ADRA1D: variants seen among roughly 807,000 people sequenced by gnomAD.
ADRA1D encodes adrenoceptor alpha 1D, also known as alpha-1D adrenergic receptor.
In ADRA1D, 22 loss-of-function variants were observed where a neutral mutation model predicts 18.6. The ratio of observed to expected loss-of-function variants is 1.19; its 90% CI spans 0.85 to 1.69. The LOEUF is 1.69. ADRA1D is among the 40% of genes most tolerant of loss of function. The probability of loss-of-function intolerance (pLI) is 0.00; values close to 1 mark genes in which losing one functional copy is unlikely to be tolerated. For synonymous variants in ADRA1D, 376 were observed against 388.2 expected (o/e 0.97, Z 0.37); for missense variants, 840 against 840.7 (o/e 1.00, Z 0.01).
intron 1 of ADRA1D, among the ~76,000 whole-genome samples, chr20:4,246,172 G>T (rs1600853228): frequency 6.6e-6 from 1 of 152,146 alleles, no homozygotes; most frequent in East Asian, 1.9e-4. Context: ...CCACATACCA[G>T]GCCCATGCTG....
chr20:4,244,808 C>A (rs990351968), intron 1 of ADRA1D, among the ~76,000 whole-genome samples: 1 of 152,196 alleles, frequency 6.6e-6, no homozygotes. Flanking sequence ...TGGGGCAGAT[C>A]GGAATATTTT....
At chr20:4,242,453 C>T (rs760972390) in intron 1 of ADRA1D, among the ~76,000 whole-genome samples, 1 of 152,212 alleles carries the variant, frequency 6.6e-6, no homozygotes, top group Non-Finnish European at 1.5e-5. Flanking sequence ...CTTCATGATG[C>T]ATATCTGAAT....
Position 4,249,025 on chromosome 20 carries a change from G to T in ADRA1D, c.-68C>A. ...AGCGGCCGGCAGGGAGGGGAGCACA[G>T]GGCATAGCCGCGGGGCTCCAGATGC... is the stretch of plus-strand genomic sequence containing the variant. On this transcript the variant is annotated 5_prime_UTR_variant, in exon 1 of 2. In the 5' UTR this introduces an upstream ATG that the reference lacks. Transcript: ENST00000379453. The T allele has an allele frequency of 8.7e-7, 1 of 1,144,726 alleles. No individual in the cohort carries two copies. The highest frequency in any genetic ancestry group is 1.1e-6 in the Non-Finnish European group (1 of 915,060). The allele number at this position is 1,144,726 out of a possible 1,614,324, so 70.9% of individuals were successfully genotyped here. A position where few individuals can be genotyped will look rare whatever the true frequency, so the allele number is the denominator to read the frequency against.
At chr20:4,236,469 C>G (rs553052734) in intron 1 of ADRA1D, among the ~76,000 whole-genome samples, 2 of 152,230 alleles carry the variant, frequency 1.3e-5, no homozygotes, top group Non-Finnish European at 2.9e-5. Context: ...TGCTCAGGTT[C>G]CTGGCTTGGA....
At chr20:4,241,527 T>C (rs1340105506) in intron 1 of ADRA1D, among the ~76,000 whole-genome samples, 1 of 152,176 alleles carries the variant, frequency 6.6e-6, no homozygotes, top group Non-Finnish European at 1.5e-5. Context: ...GAATAGAACA[T>C]GGGTTCTACC....
intron 1 of ADRA1D, among the ~76,000 whole-genome samples, chr20:4,247,169 G>A (rs1283676802): frequency 2.0e-5 from 3 of 152,180 alleles, no homozygotes; most frequent in Non-Finnish European, 2.9e-5. Context: ...AAAGTTCCTC[G>A]GAAGAGCTCA....
In ADRA1D at chr20:4,247,735, G is replaced by A. The variant is rs1470343395; in HGVS notation, c.1111+112C>T. 4.8e-6 allele frequency: 6 copies of A among 1,261,522 alleles called. No individual in the cohort carries two copies. In the African/African-American group the frequency reaches 9.5e-5, roughly 20 times the overall value. The allele number at this position is 1,261,522 out of a possible 1,614,324, so 78.1% of individuals were successfully genotyped here. On this transcript the variant is annotated intron_variant, in intron 1 of 1. Coordinates refer to ENST00000379453, the MANE Select transcript of ADRA1D (RefSeq NM_000678.4). ...CTGCCTCTTAGGAGACTCAGGACTTGCTAAGTCAACCTTCTAGGTTCAGGT... is the reference window on the plus strand; with the variant it reads ...CTGCCTCTTAGGAGACTCAGGACTTACTAAGTCAACCTTCTAGGTTCAGGT...
intron 1 of ADRA1D, among the ~76,000 whole-genome samples, chr20:4,241,998 C>T (rs1156944599): frequency 6.6e-6 from 1 of 152,204 alleles, no homozygotes; most frequent in Non-Finnish European, 1.5e-5. Context: ...TCATCACTAC[C>T]CAGGTCAAGG....
At chr20:4,245,651 A>C (rs889996197) in intron 1 of ADRA1D, among the ~76,000 whole-genome samples, 9 of 152,268 alleles carry the variant, frequency 5.9e-5, no homozygotes, top group East Asian at 1.9e-4. Context: ...GGAAAAAAAA[A>C]CAGGGAGCTG....
At chr20:4,236,176 T>C (rs1981086811) in intron 1 of ADRA1D, among the ~76,000 whole-genome samples, 1 of 152,214 alleles carries the variant, frequency 6.6e-6, no homozygotes, top group Non-Finnish European at 1.5e-5. Context: ...TGGGTTCCAA[T>C]GTCGGCTCTG....
At chr20:4,229,941 CA>C (rs1339966937) in intron 1 of ADRA1D, among the ~76,000 whole-genome samples, 2 of 152,092 alleles carry the variant, frequency 1.3e-5, no homozygotes, top group Non-Finnish European at 2.9e-5. Flanking sequence ...CATGTCCCCC[CA>C]AATCTCTCCT....
intron 1 of ADRA1D, among the ~76,000 whole-genome samples, chr20:4,244,966 T>C (rs371255366): frequency 6.6e-6 from 1 of 151,854 alleles, no homozygotes; most frequent in East Asian, 1.9e-4. Flanking sequence ...GGAAGGAGGA[T>C]TTAGGGCCTC....
intron 1 of ADRA1D, among the ~76,000 whole-genome samples, chr20:4,242,500 CAG>C (rs1183599033): frequency 6.6e-6 from 1 of 152,212 alleles, no homozygotes; most frequent in African/African-American, 2.4e-5. Context: ...AAAGTACATG[CAG>C]AGTGTTTCAG....
chr20:4,238,539 G>A (rs984296316), intron 1 of ADRA1D, among the ~76,000 whole-genome samples: 1 of 152,154 alleles, frequency 6.6e-6, no homozygotes, highest in Non-Finnish European at 1.5e-5. Flanking sequence ...AAAGGAAAAA[G>A]GGTTGAGAGA....
chr20:4,227,768 T>TCTCTC (rs1490902545), intron 1 of ADRA1D, among the ~76,000 whole-genome samples: 38 of 141,100 alleles, frequency 2.7e-4, no homozygotes, highest in African/African-American at 9.8e-4. Flanking sequence ...TCTCTCTTTC[T>TCTCTC]TCTCTTTCTT....
chr20:4,246,566 G>A (rs906410499), intron 1 of ADRA1D, among the ~76,000 whole-genome samples: 8 of 151,750 alleles, frequency 5.3e-5, no homozygotes, highest in Admixed American at 1.3e-4. Flanking sequence ...ACGGCAGAGA[G>A]GGGGAGGGCA....
chr20:4,225,756 A>C (rs896254219), intron 1 of ADRA1D, among the ~76,000 whole-genome samples: 8 of 152,056 alleles, frequency 5.3e-5, no homozygotes, highest in African/African-American at 1.7e-4. Context: ...GTGGCTTTTG[A>C]GTGAAGAGAA....
At position 4,221,416 on chromosome 20, in the gene ADRA1D, A is replaced by G; in HGVS notation, c.*107T>C. 8.2e-7 allele frequency: 1 copy of G among 1,217,164 alleles called. No individual in the cohort carries two copies. The highest frequency in any genetic ancestry group is 1.5e-5 in the South Asian group (1 of 66,474). The allele number at this position is 1,217,164 out of a possible 1,614,324, so 75.4% of individuals were successfully genotyped here. ...ATGTCACAGAGCAGCTGCCCTGATC[A>G]GTTTCCGGGTCTCCGATTTGCACGG... is the stretch of plus-strand genomic sequence containing the variant. On this transcript the variant is annotated 3_prime_UTR_variant, in exon 2 of 2. Coordinates refer to ENST00000379453, the MANE Select transcript of ADRA1D (RefSeq NM_000678.4).
At chr20:4,238,897 C>T (rs1346988772) in intron 1 of ADRA1D, among the ~76,000 whole-genome samples, 1 of 151,944 alleles carries the variant, frequency 6.6e-6, no homozygotes, top group East Asian at 1.9e-4. Context: ...AACAGATCAT[C>T]CTCTGGGACT....
Sources: allele counts gnomAD v4.1 joint callset (sites outside exome capture counted in the v4.1 genomes callset), GRCh38; gene constraint gnomAD v4.1.1; transcripts MANE v1.5; gene names NCBI Gene and HGNC (gene_info 2026-07-23, HGNC 2026-07-21).